The following ATP6V1H variants were observed in gnomAD, a reference collection of about 807,000 sequenced individuals.
ATP6V1H encodes the protein V-type proton ATPase subunit H.
Under a neutral mutation model 71.7 loss-of-function variants are expected in ATP6V1H, and 39 were observed. That is an observed-to-expected ratio of 0.54 (90% confidence interval 0.42 to 0.71). ATP6V1H has a LOEUF of 0.71. Ranked by LOEUF, ATP6V1H falls within the 30% of genes least tolerant of loss-of-function variation. The pLI, the probability that ATP6V1H is intolerant of heterozygous loss-of-function variation, is 0.00. For missense variants in ATP6V1H, 509 were observed against 594.9 expected, an observed-to-expected ratio of 0.86 and a Z score of 1.50; for synonymous variants, 192 against 199.3, an observed-to-expected ratio of 0.96 and a Z score of 0.31.
intron 7 of ATP6V1H, among the ~76,000 whole-genome samples, chr8:53,803,653 T>C (rs1043831585): frequency 7.2e-5 from 11 of 152,192 alleles, no homozygotes; most frequent in African/African-American, 2.7e-4. Context: ...GCAGTTAATT[T>C]AGTTCCACAA....
chr8:53,827,663 A>G (rs1011905389), intron 4 of ATP6V1H, among the ~76,000 whole-genome samples: 1 of 152,002 alleles, frequency 6.6e-6, no homozygotes. Flanking sequence ...TTATATTGGT[A>G]AACTCATGTC....
At chr8:53,764,311 T>G (rs186148398) in intron 11 of ATP6V1H, among the ~76,000 whole-genome samples, 2 of 152,124 alleles carry the variant, frequency 1.3e-5, no homozygotes, top group Admixed American at 6.5e-5. Context: ...TCTAATAACA[T>G]ATAAAACGAA....
chr8:53,771,606 G>A (rs1057402617), intron 10 of ATP6V1H, among the ~76,000 whole-genome samples: 2 of 152,056 alleles, frequency 1.3e-5, no homozygotes, highest in Non-Finnish European at 2.9e-5. Context: ...GAGCCAAAAG[G>A]CCTTCAAAAA....
At chr8:53,722,401 C>A (rs1253037626) in intron 13 of ATP6V1H, among the ~76,000 whole-genome samples, 1 of 152,198 alleles carries the variant, frequency 6.6e-6, no homozygotes, top group Non-Finnish European at 1.5e-5. Flanking sequence ...CCCTAGCCAA[C>A]TGCACTACAT....
At chr8:53,802,105 T>C (rs1366887646) in intron 7 of ATP6V1H, among the ~76,000 whole-genome samples, 1 of 152,216 alleles carries the variant, frequency 6.6e-6, no homozygotes, top group African/African-American at 2.4e-5. Flanking sequence ...CTGAATTAAA[T>C]CTACACAAGT....
chr8:53,740,815 A>G (rs1011866326), intron 13 of ATP6V1H, among the ~76,000 whole-genome samples: 1 of 152,188 alleles, frequency 6.6e-6, no homozygotes, highest in Non-Finnish European at 1.5e-5. Flanking sequence ...ATGGTATTCT[A>G]TTTAGTCTCA....
intron 13 of ATP6V1H, among the ~76,000 whole-genome samples, chr8:53,726,058 C>T (rs1806799542): frequency 6.7e-6 from 1 of 149,178 alleles, no homozygotes; most frequent in Non-Finnish European, 1.5e-5. Context: ...AAGATTATTC[C>T]ATTAAAAACA....
chr8:53,733,670 G>A (rs1257252982), intron 13 of ATP6V1H, among the ~76,000 whole-genome samples: 1 of 152,218 alleles, frequency 6.6e-6, no homozygotes. Context: ...GACAGCAGGT[G>A]AGAAAATTCT....
intron 13 of ATP6V1H, among the ~76,000 whole-genome samples, chr8:53,727,901 T>C (rs1485496774): frequency 6.6e-6 from 1 of 152,202 alleles, no homozygotes; most frequent in African/African-American, 2.4e-5. Context: ...AGACTGCCAA[T>C]CTTGATGTGA....
intron 7 of ATP6V1H, among the ~76,000 whole-genome samples, chr8:53,804,440 CGAG>C (rs1810013640): frequency 6.6e-6 from 1 of 152,104 alleles, no homozygotes; most frequent in African/African-American, 2.4e-5. Flanking sequence ...TTTCGGAGGC[CGAG>C]GAGGGTAGAT....
chr8:53,717,811 C>A (rs1806475531), intron 13 of ATP6V1H, among the ~76,000 whole-genome samples: 1 of 151,910 alleles, frequency 6.6e-6, no homozygotes, highest in Non-Finnish European at 1.5e-5. Context: ...AGAAATCAAG[C>A]CTGAAGTTAG....
At chr8:53,729,848 AG>A (rs1806956635) in intron 13 of ATP6V1H, among the ~76,000 whole-genome samples, 2 of 152,178 alleles carry the variant, frequency 1.3e-5, no homozygotes, top group South Asian at 4.1e-4. Context: ...GTACTAGCCC[AG>A]GTCATCCTCC....
intron 7 of ATP6V1H, 133 bp from the exon 8 acceptor site, chr8:53,802,029 T>A (rs1451928680): frequency 7.2e-6 from 5 of 696,960 alleles, no homozygotes; most frequent in African/African-American, 1.8e-5. Context: ...CCTAATCTCT[T>A]TTCAAAAGTT....
intron 11 of ATP6V1H, among the ~76,000 whole-genome samples, chr8:53,760,374 T>C (rs1434398975): frequency 6.6e-6 from 1 of 152,074 alleles, no homozygotes; most frequent in Non-Finnish European, 1.5e-5. Context: ...ACACTGAACA[T>C]GACAGCCCAG....
At chr8:53,727,820 C>G (rs1376825602) in intron 13 of ATP6V1H, among the ~76,000 whole-genome samples, 1 of 152,184 alleles carries the variant, frequency 6.6e-6, no homozygotes, top group Non-Finnish European at 1.5e-5. Context: ...CTCAGTGCCA[C>G]CCCAATCCTG....
chr8:53,816,782 G>A (rs1258291177), intron 5 of ATP6V1H, among the ~76,000 whole-genome samples: 1 of 151,996 alleles, frequency 6.6e-6, no homozygotes, highest in African/African-American at 2.4e-5. Flanking sequence ...GCAACAGAGT[G>A]AGACCCCGTC....
chr8:53,813,865 CTG>C (rs1245018397), intron 6 of ATP6V1H, among the ~76,000 whole-genome samples: 1 of 152,234 alleles, frequency 6.6e-6, no homozygotes, highest in Admixed American at 6.5e-5. Flanking sequence ...CACCCTGAAA[CTG>C]TGAAATTGTG....
intron 9 of ATP6V1H, among the ~76,000 whole-genome samples, chr8:53,775,418 A>G (rs922358442): frequency 2.0e-5 from 3 of 152,180 alleles, no homozygotes; most frequent in African/African-American, 7.2e-5. Flanking sequence ...ATCTGGCCCC[A>G]CCCACATCCT....
At position 53,838,894 on chromosome 8, in the gene ATP6V1H, G is replaced by A. The variant is rs191059020; in HGVS notation, c.113+2684C>T. Among the ~76,000 whole-genome samples the A allele has an allele frequency of 7.9e-5, 12 of 152,300 alleles. No homozygotes were observed. The East Asian group carries it at 1.9e-3, about 24-fold the overall frequency. ...GATAGAAGATTCACTGATTCTTCAT[G>A]TGTTGGTTCCAGCCCCCAACAATCT... On this transcript the variant is annotated intron_variant, in intron 2 of 13. Coordinates refer to ENST00000359530, the MANE Select transcript of ATP6V1H (RefSeq NM_015941.4).
Sources: gnomAD v4.1 joint callset for allele counts (sites outside exome capture counted in the v4.1 genomes callset) on GRCh38, gnomAD v4.1.1 for gene constraint, MANE v1.5 for transcripts, NCBI Gene and HGNC (gene_info 2026-07-23, HGNC 2026-07-21) for gene names.